The following DOCK1 variants were observed in gnomAD, a reference collection of about 807,000 sequenced individuals.
The protein encoded by DOCK1 is dedicator of cytokinesis 1, also known as dedicator of cytokinesis protein 1.
Under a neutral mutation model 262.7 loss-of-function variants are expected in DOCK1, and 138 were observed. The observed-to-expected ratio is 0.53, with a 90% CI of 0.46 to 0.61. The LOEUF (loss-of-function observed/expected upper bound fraction) is 0.61, where lower values mean the gene tolerates loss of function less well. Among genes scored for constraint, DOCK1 ranks in the 20% least tolerant of loss-of-function variants. The pLI is 0.00. For missense variants in DOCK1, 1,908 were observed against 2,370.7 expected (o/e 0.80, Z 4.05); for synonymous variants, 866 against 867.4 (o/e 1.00, Z 0.03).
chr10:127,450,241 T>G (rs2070866750), intron 51 of DOCK1, among the ~76,000 whole-genome samples: 1 of 152,220 alleles, frequency 6.6e-6, no homozygotes, highest in Non-Finnish European at 1.5e-5. Flanking sequence ...AGTCTGTGAA[T>G]CAGGAGGAAA....
At chr10:127,202,905 C>T (rs1278843958) in intron 27 of DOCK1, among the ~76,000 whole-genome samples, 1 of 152,168 alleles carries the variant, frequency 6.6e-6, no homozygotes, top group East Asian at 1.9e-4. Context: ...ACCAAAAATG[C>T]CAACTGCTCA....
chr10:127,393,931 C>T (rs2066656717), intron 38 of DOCK1, among the ~76,000 whole-genome samples: 1 of 152,010 alleles, frequency 6.6e-6, no homozygotes, highest in Non-Finnish European at 1.5e-5. Flanking sequence ...CCATTCTTGC[C>T]GCCCGCCTGA....
At chr10:127,202,967 T>G (rs1380352026) in intron 27 of DOCK1, among the ~76,000 whole-genome samples, 1 of 152,224 alleles carries the variant, frequency 6.6e-6, no homozygotes, top group Non-Finnish European at 1.5e-5. Context: ...GGAGAGTAGC[T>G]TTGACCAGCA....
intron 48 of DOCK1, among the ~76,000 whole-genome samples, chr10:127,436,448 G>A (rs1268124278): frequency 6.6e-6 from 1 of 152,160 alleles, no homozygotes; most frequent in Non-Finnish European, 1.5e-5. Flanking sequence ...AACCTGGAGA[G>A]GTTGTGGCTG....
In DOCK1 at chr10:127,175,532, C is replaced by T. The variant is rs1326214245; in HGVS notation, c.2847+47768C>T. ...GCCCGTTGAGATGTGTGGCTCTCCTCCGCTCGTCATCTGCCGGGCAGAGTG... is the reference window on the plus strand; with the variant it reads ...GCCCGTTGAGATGTGTGGCTCTCCTTCGCTCGTCATCTGCCGGGCAGAGTG... On this transcript the variant is annotated intron_variant, in intron 27 of 51. Transcript: ENST00000623213. The surrounding 1 kb of genome is among the most constrained non-coding windows in gnomAD (Gnocchi z 6.3). The T allele has an allele frequency of 1.2e-6, 2 of 1,610,286 alleles. No individual in the cohort carries two copies. The highest frequency in any genetic ancestry group is 2.2e-5 in the East Asian group (1 of 44,874).
At chr10:126,956,108 G>A (rs1444649064) in intron 1 of DOCK1, among the ~76,000 whole-genome samples, 2 of 152,286 alleles carry the variant, frequency 1.3e-5, no homozygotes, top group East Asian at 1.9e-4. Flanking sequence ...CTCTGCAGCC[G>A]GCGCATCTGG....
At chr10:126,916,861 A>G (rs1019935358) in intron 1 of DOCK1, among the ~76,000 whole-genome samples, 1 of 152,040 alleles carries the variant, frequency 6.6e-6, no homozygotes, top group African/African-American at 2.4e-5. Context: ...TCTCGAGGCC[A>G]GTGGTGTTTC....
At chr10:127,231,875 A>G (rs1158499625) in intron 27 of DOCK1, among the ~76,000 whole-genome samples, 1 of 152,114 alleles carries the variant, frequency 6.6e-6, no homozygotes, top group African/African-American at 2.4e-5. Context: ...ATTTTTTCAG[A>G]CAGACTTGAA....
chr10:127,268,576 C>CGTTT (rs2060456286), intron 29 of DOCK1, among the ~76,000 whole-genome samples: 1 of 147,306 alleles, frequency 6.8e-6, no homozygotes, highest in African/African-American at 2.7e-5. Flanking sequence ...ACTCTCTTCT[C>CGTTT]CTTGTTTCCC....
At chr10:127,405,832 TCTC>T (rs1323431001) in intron 40 of DOCK1, among the ~76,000 whole-genome samples, 2 of 152,114 alleles carry the variant, frequency 1.3e-5, no homozygotes, top group Non-Finnish European at 2.9e-5. Context: ...CTGGTCAGCT[TCTC>T]CTCTTGCCTT....
At chr10:126,949,847 A>C (rs889176490) in intron 1 of DOCK1, among the ~76,000 whole-genome samples, 1 of 152,014 alleles carries the variant, frequency 6.6e-6, no homozygotes, top group East Asian at 1.9e-4. Context: ...GGGAGCACCA[A>C]AGGGAGAGTG....
intron 29 of DOCK1, among the ~76,000 whole-genome samples, chr10:127,333,702 T>C (rs1043679352): frequency 6.6e-6 from 1 of 152,182 alleles, no homozygotes; most frequent in Non-Finnish European, 1.5e-5. Flanking sequence ...GCTTGGACCT[T>C]GGCAGGTGCC....
intron 1 of DOCK1, among the ~76,000 whole-genome samples, chr10:126,919,106 C>G (rs1242186180): frequency 6.6e-6 from 1 of 152,154 alleles, no homozygotes; most frequent in Admixed American, 6.5e-5. Flanking sequence ...GAGTGATGTG[C>G]AGATGAACAC....
chr10:127,067,521 G>T (rs956017859), intron 23 of DOCK1, among the ~76,000 whole-genome samples: 1 of 148,848 alleles, frequency 6.7e-6, no homozygotes. Flanking sequence ...TGCATTGTAT[G>T]TGTGTGTGTG....
At chr10:127,415,489 C>T (rs2134436558) in intron 44 of DOCK1, among the ~76,000 whole-genome samples, 1 of 152,318 alleles carries the variant, frequency 6.6e-6, no homozygotes, top group South Asian at 2.1e-4. Flanking sequence ...GATTTCATTT[C>T]TTCTTACAAT....
At chr10:127,004,079 C>A (rs147521358) in intron 10 of DOCK1, among the ~76,000 whole-genome samples, 2 of 151,860 alleles carry the variant, frequency 1.3e-5, no homozygotes, top group Non-Finnish European at 2.9e-5. Flanking sequence ...GTGGTGAAAC[C>A]CTGTCTCTAC....
chr10:127,253,073 C>T (rs2059708007), intron 28 of DOCK1, among the ~76,000 whole-genome samples: 2 of 152,132 alleles, frequency 1.3e-5, no homozygotes, highest in Admixed American at 6.6e-5. Flanking sequence ...CAGCTCAGAA[C>T]TCTGAGGACA....
intron 40 of DOCK1, 126 bp from the exon 41 acceptor site, chr10:127,408,911 G>T: frequency 7.8e-7 from 1 of 1,283,458 alleles, no homozygotes; most frequent in Non-Finnish European, 1.0e-6. Context: ...AAAATTACAA[G>T]TTGTTCTTAA....
intron 27 of DOCK1, among the ~76,000 whole-genome samples, chr10:127,222,415 C>T (rs2058470635): frequency 6.6e-6 from 1 of 152,148 alleles, no homozygotes; most frequent in Middle Eastern, 3.2e-3. Flanking sequence ...TTTCAGCATA[C>T]CCACAAATAC....
Sources: gnomAD v4.1 joint callset for allele counts (sites outside exome capture counted in the v4.1 genomes callset) on GRCh38, gnomAD v4.1.1 for gene constraint, Gnocchi (gnomAD v3.1) non-coding constraint, MANE v1.5 for transcripts, NCBI Gene and HGNC (gene_info 2026-07-23, HGNC 2026-07-21) for gene names.